Variants in CLASP1 observed in about 807,000 individuals in gnomAD.
CLASP1 encodes the protein CLIP-associating protein 1.
A neutral mutation model predicts 192.3 loss-of-function variants in CLASP1; 38 were observed. The ratio of observed to expected loss-of-function variants is 0.20; its 90% confidence interval spans 0.15 to 0.26. CLASP1 has a LOEUF of 0.26. Among genes scored for constraint, CLASP1 ranks in the 10% least tolerant of loss-of-function variants. CLASP1 has a pLI of 1.00. For missense variants in CLASP1, 1,433 were observed against 1,932.5 expected (o/e 0.74, Z 4.85); for synonymous variants, 691 against 712.8 (o/e 0.97, Z 0.49).
At chr2:121,415,808 T>C (rs538671969) in intron 23 of CLASP1, among the ~76,000 whole-genome samples, 48 of 152,174 alleles carry the variant, frequency 3.2e-4, no homozygotes, top group Non-Finnish European at 5.4e-4. Context: ...AAAATATCAA[T>C]ACCTCAAATT....
At chr2:121,648,975 T>C (rs994533922) in intron 1 of CLASP1, among the ~76,000 whole-genome samples, 21 of 152,232 alleles carry the variant, frequency 1.4e-4, no homozygotes, top group African/African-American at 5.1e-4. Flanking sequence ...TGTGGGTTTC[T>C]CTCCCTCGCC....
At chr2:121,388,233 T>TA (rs1460350393) in intron 30 of CLASP1, among the ~76,000 whole-genome samples, 1 of 152,208 alleles carries the variant, frequency 6.6e-6, no homozygotes, top group African/African-American at 2.4e-5. Flanking sequence ...TAAAAAATTT[T>TA]AAAAAGTTTA....
chr2:121,356,727 G>A (rs906494860), intron 37 of CLASP1, among the ~76,000 whole-genome samples: 8 of 152,214 alleles, frequency 5.3e-5, no homozygotes, highest in Admixed American at 5.2e-4. Flanking sequence ...GAGAAGTAGT[G>A]TCTGTATGAA....
chr2:121,517,253 G>A (rs2094323481), intron 6 of CLASP1, among the ~76,000 whole-genome samples: 1 of 152,178 alleles, frequency 6.6e-6, no homozygotes, highest in East Asian at 1.9e-4. Context: ...AGGTGGTGTT[G>A]GGGAGACTGT....
chr2:121,618,564 G>T (rs1047391990), intron 1 of CLASP1, among the ~76,000 whole-genome samples: 4 of 152,074 alleles, frequency 2.6e-5, no homozygotes, highest in South Asian at 4.2e-4. Context: ...CATACACCAA[G>T]AATTATCTAT....
exon 30 of CLASP1, chr2:121,397,213 G>C (rs1392916610): frequency 6.2e-7 from 1 of 1,613,672 alleles, no homozygotes; most frequent in African/African-American, 1.3e-5. Flanking sequence ...TGTCTCACTA[G>C]AGTTTACAAA....
At chr2:121,625,427 A>ATTTTTTTTTTTTTT (rs397868546) in intron 1 of CLASP1, among the ~76,000 whole-genome samples, 47 of 95,740 alleles carry the variant, frequency 4.9e-4, no homozygotes, top group East Asian at 9.9e-4. Context: ...TCTTTCTTTC[A>ATTTTTTTTTTTTTT]TTTTTTTTTT....
At chr2:121,493,556 T>TG (rs529284211) in intron 8 of CLASP1, among the ~76,000 whole-genome samples, 60 of 152,148 alleles carry the variant, frequency 3.9e-4, no homozygotes, top group African/African-American at 1.4e-3. Flanking sequence ...AAAGAAAACA[T>TG]GGGGGAAACT....
chr2:121,500,396 GAAAAGAAA>G (rs2093710342), intron 8 of CLASP1, among the ~76,000 whole-genome samples: 1 of 87,366 alleles, frequency 1.1e-5, no homozygotes, highest in Admixed American at 1.3e-4. Context: ...AAGAAAGAAA[GAAAAGAAA>G]GAAAGAAAGA....
rs1313640412 is a variant in CLASP1 at position 121,460,082 on chromosome 2, T to C, written c.1076A>G (p.Tyr359Cys). 4 of 1,613,496 alleles carry C rather than the reference T, an allele frequency of 2.5e-6. No individual in the cohort carries two copies. In the African/African-American group the frequency reaches 5.3e-5, roughly 22 times the overall value. The change falls in exon 12 of 40, where the codon TAT becomes TGT. Residue 359 changes from tyrosine (Y) to cysteine (C), a missense_variant. Around this residue, in one of 8 missense-constraint regions of CLASP1, gnomAD observed 113 missense variants for 239.5 expected, o/e 0.47. Coordinates refer to ENST00000263710, the Ensembl canonical transcript of CLASP1. ...ACGCAAATGTTGAAAGAAGTTATCA[T>C]ACTCAGCAGCACCAGCCAAAAGTAA... is the stretch of plus-strand genomic sequence containing the variant.
intron 8 of CLASP1, among the ~76,000 whole-genome samples, chr2:121,480,136 G>A (rs2092467974): frequency 1.3e-5 from 2 of 152,234 alleles, no homozygotes; most frequent in South Asian, 4.1e-4. Flanking sequence ...CTAGAGCACA[G>A]ACAGGTGACA....
In CLASP1 at chr2:121,476,802, T is replaced by C. The variant is rs573044865; in HGVS notation, c.713-6842A>G. 1.1e-4 allele frequency among the ~76,000 whole-genome samples: 17 copies of C among 152,150 alleles called. No homozygotes were observed. The South Asian group carries it at 3.5e-3, about 32-fold the overall frequency. ...TAATTGAGATTCTCCTCCAAGGGAG[T>C]AAGAAATGTGGCAGCCTACTAACTA... is the stretch of plus-strand genomic sequence containing the variant. On this transcript the variant is annotated intron_variant, in intron 8 of 39. Coordinates refer to ENST00000263710, the Ensembl canonical transcript of CLASP1.
chr2:121,527,830 T>A lies in CLASP1; in HGVS notation c.439A>T (p.Ile147Phe), dbSNP rs562726155. Reference sequence around the variant, plus strand: ...AGTGTTGCTATAAGGCAGAGACAGATGCCTTCTCGAGTACGGAAATTCTTG... The same window carrying A: ...AGTGTTGCTATAAGGCAGAGACAGAAGCCTTCTCGAGTACGGAAATTCTTG... Residue 147 changes from isoleucine (I) to phenylalanine (F), a missense_variant, in exon 5 of 40, where the codon ATC becomes TTC. Coordinates refer to ENST00000263710, the Ensembl canonical transcript of CLASP1. 6 of 1,614,018 alleles carry A rather than the reference T, an allele frequency of 3.7e-6. No individual in the cohort carries two copies. In the East Asian group the frequency reaches 1.3e-4, roughly 36 times the overall value.
intron 1 of CLASP1, among the ~76,000 whole-genome samples, chr2:121,632,441 A>G (rs1299892417): frequency 1.3e-5 from 2 of 152,210 alleles, no homozygotes; most frequent in East Asian, 3.8e-4. Context: ...TATAAAAGCA[A>G]AAGATTAGAT....
chr2:121,558,007 G>A (rs1575971808), intron 2 of CLASP1, among the ~76,000 whole-genome samples: 1 of 149,786 alleles, frequency 6.7e-6, no homozygotes, highest in East Asian at 2.0e-4. Context: ...TTGAACCCAG[G>A]AGGCTGAGGT....
chr2:121,398,663 T>G (rs2075682957), intron 28 of CLASP1, among the ~76,000 whole-genome samples: 2 of 152,184 alleles, frequency 1.3e-5, no homozygotes, highest in South Asian at 4.1e-4. Flanking sequence ...AGCAATAAAC[T>G]AAGGAGAAAT....
Position 121,572,592 on chromosome 2 carries a change from C to T in CLASP1, c.195+33109G>A, listed in dbSNP as rs542976055. 5.7e-4 allele frequency among the ~76,000 whole-genome samples: 87 copies of T among 151,918 alleles called. No individual in the cohort carries two copies. The Middle Eastern group carries it at 0.014, about 24-fold the overall frequency. The stretch of plus-strand genomic sequence containing the variant: ...TGCTGGGAAAGAGGAACATTTGAAA[C>T]ATAAAGAGTTAAAAGTTAGGACCGA... On this transcript the variant is annotated intron_variant, in intron 2 of 39. Transcript: ENST00000263710.
At chr2:121,509,302 T>C (rs998999267) in intron 7 of CLASP1, among the ~76,000 whole-genome samples, 2 of 152,130 alleles carry the variant, frequency 1.3e-5, no homozygotes, top group African/African-American at 4.8e-5. Flanking sequence ...CAGCGTCTCA[T>C]GTAGCTAGGA....
intron 7 of CLASP1, chr2:121,503,874 C>T (rs1038596284): frequency 6.6e-6 from 1 of 151,958 alleles, no homozygotes; most frequent in African/African-American, 2.4e-5. Flanking sequence ...CCTAGTGACA[C>T]CAAAAATGAA....
Sources: gnomAD v4.1 joint callset for allele counts (sites outside exome capture counted in the v4.1 genomes callset) on GRCh38, gnomAD v4.1.1 for gene constraint, gnomAD v4.1.1 regional missense constraint, MANE v1.5 for transcripts, NCBI Gene and HGNC (gene_info 2026-07-23, HGNC 2026-07-21) for gene names.